Variants in SHROOM3 observed in about 807,000 individuals in gnomAD.
SHROOM3 encodes shroom family member 3, also known as protein Shroom3.
In SHROOM3, 47 loss-of-function variants were observed where a neutral mutation model predicts 138.6. The observed-to-expected ratio is 0.34, with a 90% confidence interval of 0.27 to 0.43. The LOEUF (loss-of-function observed/expected upper bound fraction) is 0.43. Among genes scored for constraint, SHROOM3 ranks in the 20% least tolerant of loss-of-function variants. The pLI, the probability that SHROOM3 is intolerant of heterozygous loss-of-function variation, is 1.00. For missense variants in SHROOM3, 2,491 were observed against 2,596.5 expected, an observed-to-expected ratio of 0.96 and a Z score of 0.88; for synonymous variants, 1,062 against 1,063.3, an observed-to-expected ratio of 1.00 and a Z score of 0.02.
At chr4:76,529,258 T>C (rs1348821505) in intron 1 of SHROOM3, among the ~76,000 whole-genome samples, 2 of 152,192 alleles carry the variant, frequency 1.3e-5, no homozygotes, top group Non-Finnish European at 2.9e-5. Flanking sequence ...TGGCCATTGC[T>C]ACTCTACTGT....
chr4:76,578,602 G>A (rs1341521177), intron 2 of SHROOM3, among the ~76,000 whole-genome samples: 2 of 152,184 alleles, frequency 1.3e-5, no homozygotes, highest in East Asian at 1.9e-4. Context: ...AGATGTGAAC[G>A]AGACAACAAT....
At chr4:76,675,639 CT>C (rs1719008076) in intron 2 of SHROOM3, among the ~76,000 whole-genome samples, 2 of 152,170 alleles carry the variant, frequency 1.3e-5, no homozygotes, top group Admixed American at 1.3e-4. Flanking sequence ...GGGAGGATCA[CT>C]TGAGGCCAGG....
intron 3 of SHROOM3, among the ~76,000 whole-genome samples, chr4:76,713,147 C>A (rs941297334): frequency 6.6e-6 from 1 of 152,172 alleles, no homozygotes; most frequent in South Asian, 2.1e-4. Flanking sequence ...ACTGAGGCTA[C>A]GCCAAATTTA....
At chr4:76,470,855 T>A (rs528168676) in intron 1 of SHROOM3, among the ~76,000 whole-genome samples, 61 of 152,292 alleles carry the variant, frequency 4.0e-4, no homozygotes, top group Non-Finnish European at 5.9e-4. Flanking sequence ...ATTTAATTCA[T>A]CTCTGTGTGC....
intron 2 of SHROOM3, among the ~76,000 whole-genome samples, chr4:76,695,553 A>C (rs1446072136): frequency 6.6e-6 from 1 of 152,242 alleles, no homozygotes; most frequent in East Asian, 1.9e-4. Flanking sequence ...TTGAGCTAAA[A>C]CTTAAATAAA....
At chr4:76,611,031 G>A (rs1480381467) in intron 2 of SHROOM3, among the ~76,000 whole-genome samples, 2 of 152,068 alleles carry the variant, frequency 1.3e-5, no homozygotes, top group African/African-American at 4.8e-5. Flanking sequence ...GAGTTCTAAG[G>A]TGATTTTTTT....
chr4:76,440,794 C>T lies in SHROOM3; in HGVS notation c.168+4574C>T, dbSNP rs1179873990. Among the ~76,000 whole-genome samples the T allele has an allele frequency of 3.9e-5, 6 of 152,262 alleles. No homozygotes were observed. In the South Asian group the frequency reaches 8.3e-4, roughly 21 times the overall value. ...TCAGTGCTTATATTTCTGATTTCTA[C>T]TCCCCTGGAAGGTATCTGTGCTCTA... On this transcript the variant is annotated intron_variant, in intron 1 of 10. Coordinates refer to ENST00000296043, the MANE Select transcript of SHROOM3 (RefSeq NM_020859.4).
intron 1 of SHROOM3, among the ~76,000 whole-genome samples, chr4:76,455,913 C>T (rs1731018200): frequency 6.6e-6 from 1 of 152,196 alleles, no homozygotes; most frequent in South Asian, 2.1e-4. Flanking sequence ...TGGTACCCTA[C>T]AGGTACCAAA....
At chr4:76,696,285 C>T (rs1719724882) in intron 2 of SHROOM3, among the ~76,000 whole-genome samples, 1 of 152,050 alleles carries the variant, frequency 6.6e-6, no homozygotes, top group Admixed American at 6.5e-5. Context: ...CTCTCAGCCT[C>T]TTCACCATCG....
intron 3 of SHROOM3, among the ~76,000 whole-genome samples, chr4:76,725,681 G>A (rs1213524734): frequency 6.6e-6 from 1 of 152,160 alleles, no homozygotes; most frequent in Non-Finnish European, 1.5e-5. Context: ...AGGACATTGG[G>A]TACGAGGTCC....
At chr4:76,561,943 G>A (rs28497088) in intron 2 of SHROOM3, among the ~76,000 whole-genome samples, 3,313 of 152,070 alleles carry the variant, frequency 0.022, 58 homozygotes, top group Non-Finnish European at 0.034. Context: ...CCTGGGAGGC[G>A]GAGGTTACGG....
Position 76,780,372 on chromosome 4 carries a change from G to T in SHROOM3, c.*1195G>T, listed in dbSNP as rs1240797297. 1 of 152,188 alleles carries T rather than the reference G, an allele frequency of 6.6e-6. No individual in the cohort carries two copies. The highest frequency in any genetic ancestry group is 2.1e-4 in the South Asian group (1 of 4,824). The allele number at this position is 152,188 out of a possible 1,614,324, so 9.4% of individuals were successfully genotyped here. The stretch of plus-strand genomic sequence containing the variant: ...GCTATGTTTACAGCTGCTGGAGATG[G>T]CAGTAGCCTTATACTTTGAGCAGGT... On this transcript the variant is annotated 3_prime_UTR_variant, in exon 11 of 11. Coordinates refer to ENST00000296043, the MANE Select transcript of SHROOM3 (RefSeq NM_020859.4).
At chr4:76,575,433 G>T (rs1335157101) in intron 2 of SHROOM3, 5 of 152,120 alleles carry the variant, frequency 3.3e-5, no homozygotes, top group Admixed American at 3.3e-4. Flanking sequence ...CAGATAAGAT[G>T]ATCTTATATT....
At chr4:76,495,978 T>C (rs1172970253) in intron 1 of SHROOM3, among the ~76,000 whole-genome samples, 1 of 151,992 alleles carries the variant, frequency 6.6e-6, no homozygotes, top group Non-Finnish European at 1.5e-5. Context: ...GAATGACTAG[T>C]TTGAGAGAAA....
At chr4:76,444,296 G>A (rs1321359031) in intron 1 of SHROOM3, among the ~76,000 whole-genome samples, 4 of 150,152 alleles carry the variant, frequency 2.7e-5, no homozygotes, top group Non-Finnish European at 5.9e-5. Context: ...ATGTATATAT[G>A]TATATATATA....
intron 1 of SHROOM3, among the ~76,000 whole-genome samples, chr4:76,545,780 T>A (rs1256359038): frequency 2.6e-5 from 4 of 152,194 alleles, no homozygotes; most frequent in African/African-American, 9.7e-5. Flanking sequence ...TGGTTAGTCT[T>A]ATTGTTCCCA....
chr4:76,503,168 C>CACACACACACACACAT (rs1553918424), intron 1 of SHROOM3, among the ~76,000 whole-genome samples: 1 of 10,704 alleles, frequency 9.3e-5, no homozygotes, highest in Non-Finnish European at 2.0e-4. Flanking sequence ...TGTCAACTTC[C>CACACACACACACACAT]ACACACACAC....
chr4:76,499,275 C>T (rs145148969), intron 1 of SHROOM3, among the ~76,000 whole-genome samples: 1 of 152,326 alleles, frequency 6.6e-6, no homozygotes, highest in East Asian at 1.9e-4. Context: ...TATATTATCT[C>T]TTTGAGCCTT....
At chr4:76,605,913 T>TTCTC (rs1287814722) in intron 2 of SHROOM3, among the ~76,000 whole-genome samples, 14 of 141,854 alleles carry the variant, frequency 9.9e-5, no homozygotes, top group Non-Finnish European at 1.4e-4. Context: ...AGGCACAATT[T>TTCTC]TCTCTCTCTC....
Sources: allele counts gnomAD v4.1 joint callset (sites outside exome capture counted in the v4.1 genomes callset), GRCh38; gene constraint gnomAD v4.1.1; transcripts MANE v1.5; gene names NCBI Gene and HGNC (gene_info 2026-07-23, HGNC 2026-07-21).